EXOC6B: variants seen among roughly 807,000 people sequenced by gnomAD.
The protein encoded by EXOC6B is exocyst complex component 6B, also known as SEC15 homolog B.
In EXOC6B, 54 loss-of-function variants were observed where a neutral mutation model predicts 113.5. The ratio of observed to expected loss-of-function variants is 0.48; its 90% CI spans 0.38 to 0.60. The LOEUF (loss-of-function observed/expected upper bound fraction) is 0.60, where lower values mean the gene tolerates loss of function less well. Among genes scored for constraint, EXOC6B ranks in the 20% least tolerant of loss-of-function variants. The pLI is 0.00. For synonymous variants in EXOC6B, 357 were observed against 339.0 expected, an observed-to-expected ratio of 1.05 and a Z score of -0.58; for missense variants, 797 against 977.5, an observed-to-expected ratio of 0.82 and a Z score of 2.46.
At chr2:72,231,631 G>T (rs1681624830) in intron 20 of EXOC6B, among the ~76,000 whole-genome samples, 1 of 152,122 alleles carries the variant, frequency 6.6e-6, no homozygotes, top group Non-Finnish European at 1.5e-5. Flanking sequence ...TACAACTGAT[G>T]AAAATTTGAT....
At chr2:72,226,307 G>A (rs1681234935) in intron 20 of EXOC6B, among the ~76,000 whole-genome samples, 1 of 152,162 alleles carries the variant, frequency 6.6e-6, no homozygotes, top group African/African-American at 2.4e-5. Flanking sequence ...ATTTCTTGTT[G>A]TGACAAATGT....
chr2:72,245,330 C>G (rs1274657674), intron 20 of EXOC6B, among the ~76,000 whole-genome samples: 1 of 152,114 alleles, frequency 6.6e-6, no homozygotes, highest in African/African-American at 2.4e-5. Context: ...TAAATCCATG[C>G]AAATATAGTA....
intron 1 of EXOC6B, among the ~76,000 whole-genome samples, chr2:72,822,326 AGAGAGAGAT>A (rs1432001797): frequency 6.6e-6 from 1 of 152,220 alleles, no homozygotes; most frequent in African/African-American, 2.4e-5. Flanking sequence ...GTAAAGACAA[AGAGAGAGAT>A]AGCTACTTTC....
intron 18 of EXOC6B, among the ~76,000 whole-genome samples, chr2:72,393,008 T>C (rs939633587): frequency 6.6e-6 from 1 of 152,128 alleles, no homozygotes; most frequent in African/African-American, 2.4e-5. Flanking sequence ...GTGTGCCCTA[T>C]GCACCTGCAG....
chr2:72,266,793 A>G (rs1684124263), intron 20 of EXOC6B, among the ~76,000 whole-genome samples: 1 of 152,198 alleles, frequency 6.6e-6, no homozygotes, highest in African/African-American at 2.4e-5. Context: ...TTCTGTGAAG[A>G]AAGTCATTGG....
intron 6 of EXOC6B, among the ~76,000 whole-genome samples, chr2:72,637,484 C>G (rs1672927902): frequency 6.6e-6 from 1 of 152,032 alleles, no homozygotes; most frequent in African/African-American, 2.4e-5. Flanking sequence ...ATGAACAGAA[C>G]CTATCCAAAG....
At chr2:72,440,577 C>T (rs1354340543) in intron 18 of EXOC6B, among the ~76,000 whole-genome samples, 1 of 152,168 alleles carries the variant, frequency 6.6e-6, no homozygotes, top group Non-Finnish European at 1.5e-5. Context: ...CTGCAAAATA[C>T]ACTGAAGTAC....
chr2:72,635,418 T>C (rs1157305948), intron 6 of EXOC6B, among the ~76,000 whole-genome samples: 1 of 152,174 alleles, frequency 6.6e-6, no homozygotes, highest in Non-Finnish European at 1.5e-5. Flanking sequence ...AAGGGAATGC[T>C]ATGGTAGAAA....
chr2:72,254,741 G>T (rs1174822020), intron 20 of EXOC6B, among the ~76,000 whole-genome samples: 1 of 152,168 alleles, frequency 6.6e-6, no homozygotes, highest in Non-Finnish European at 1.5e-5. Context: ...GCCAGGCGTG[G>T]TGGCTCACAC....
rs7571020 is a variant in EXOC6B at position 72,203,349 on chromosome 2, G to A, written c.2197-19162C>T. Among the ~76,000 whole-genome samples the A allele has an allele frequency of 9.6e-3, 1,468 of 152,202 alleles. 24 individuals carry two copies. Among genetic ancestry groups the A allele is most frequent in the African/African-American group, 0.032 (1,350 of 41,544 alleles). On this transcript the variant is annotated intron_variant, in intron 20 of 21. Transcript: ENST00000272427. Reference sequence around the variant, plus strand: ...TCTTGTCTCCCCAGGGAGATTATACGCTCTTTAAGAACAAGGATCTTTTTC... The same window carrying A: ...TCTTGTCTCCCCAGGGAGATTATACACTCTTTAAGAACAAGGATCTTTTTC...
intron 2 of EXOC6B, among the ~76,000 whole-genome samples, chr2:72,733,659 A>T (rs560147599): frequency 6.6e-6 from 1 of 152,202 alleles, no homozygotes; most frequent in Non-Finnish European, 1.5e-5. Context: ...TCCATCAGAT[A>T]GTCAAAAATT....
chr2:72,512,646 G>A (rs919428104), intron 11 of EXOC6B, among the ~76,000 whole-genome samples: 1 of 151,930 alleles, frequency 6.6e-6, no homozygotes, highest in Non-Finnish European at 1.5e-5. Context: ...ATATTAACAG[G>A]CACTATAGAA....
intron 1 of EXOC6B, among the ~76,000 whole-genome samples, chr2:72,818,886 G>A (rs1316573936): frequency 6.6e-6 from 1 of 152,022 alleles, no homozygotes; most frequent in Non-Finnish European, 1.5e-5. Context: ...TCAAACCTTT[G>A]CCAAAGCTAC....
chr2:72,439,647 T>C (rs1696077971), intron 18 of EXOC6B, among the ~76,000 whole-genome samples: 1 of 152,230 alleles, frequency 6.6e-6, no homozygotes, highest in South Asian at 2.1e-4. Flanking sequence ...TTAGCTGCCT[T>C]GCATTTGGTT....
intron 7 of EXOC6B, among the ~76,000 whole-genome samples, chr2:72,570,891 G>T (rs1704475305): frequency 6.6e-6 from 1 of 152,022 alleles, no homozygotes; most frequent in Non-Finnish European, 1.5e-5. Flanking sequence ...AAAAGCACAT[G>T]GTCATAATGC....
chr2:72,659,665 A>C (rs1459657276), intron 6 of EXOC6B, among the ~76,000 whole-genome samples: 1 of 152,118 alleles, frequency 6.6e-6, no homozygotes, highest in Non-Finnish European at 1.5e-5. Context: ...GAACCAGAAC[A>C]AGATTTCAAA....
At chr2:72,489,626 G>A (rs141319007) in intron 16 of EXOC6B, among the ~76,000 whole-genome samples, 19 of 152,232 alleles carry the variant, frequency 1.2e-4, no homozygotes, top group Non-Finnish European at 2.6e-4. Context: ...TTTGCCCAAG[G>A]GCACAGCTAT....
At chr2:72,520,671 G>C (rs933848177) in intron 8 of EXOC6B, among the ~76,000 whole-genome samples, 5 of 152,136 alleles carry the variant, frequency 3.3e-5, no homozygotes, top group Admixed American at 1.3e-4. Flanking sequence ...AGGTTGATGT[G>C]CCCAGGTCCA....
At chr2:72,687,137 C>CAA (rs60068783) in intron 6 of EXOC6B, among the ~76,000 whole-genome samples, 5 of 125,498 alleles carry the variant, frequency 4.0e-5, no homozygotes, top group Non-Finnish European at 8.8e-5. Flanking sequence ...GACTGTGTCT[C>CAA]AAAAAAAAAA....
Sources: gnomAD v4.1 joint callset for allele counts (sites outside exome capture counted in the v4.1 genomes callset) on GRCh38, gnomAD v4.1.1 for gene constraint, MANE v1.5 for transcripts, NCBI Gene and HGNC (gene_info 2026-07-23, HGNC 2026-07-21) for gene names.